The following ENOX1 variants were observed in gnomAD, a reference collection of about 807,000 sequenced individuals.
ENOX1 encodes ecto-NOX disulfide-thiol exchanger 1.
In ENOX1, 42 loss-of-function variants were observed where a neutral mutation model predicts 82.5. The ratio of observed to expected loss-of-function variants is 0.51; its 90% CI spans 0.40 to 0.66. ENOX1 has a LOEUF of 0.66. ENOX1 is among the 30% of genes least tolerant of loss of function. The probability of loss-of-function intolerance (pLI) is 0.00; values close to 1 mark genes in which losing one functional copy is unlikely to be tolerated. For missense variants in ENOX1, 608 were observed against 811.6 expected (o/e 0.75, Z 3.05); for synonymous variants, 271 against 282.2 (o/e 0.96, Z 0.40).
chr13:43,477,673 T>C (rs909985487), intron 3 of ENOX1, among the ~76,000 whole-genome samples: 1 of 152,174 alleles, frequency 6.6e-6, no homozygotes, highest in Non-Finnish European at 1.5e-5. Flanking sequence ...TTTAAAAGAA[T>C]GTTTCAACTC....
At chr13:43,220,027 C>T (rs1356788891) in intron 16 of ENOX1, among the ~76,000 whole-genome samples, 1 of 151,858 alleles carries the variant, frequency 6.6e-6, no homozygotes, top group Non-Finnish European at 1.5e-5. Context: ...AGACACCTCA[C>T]AACAAATGTT....
intron 2 of ENOX1, among the ~76,000 whole-genome samples, chr13:43,555,312 G>A (rs1360294547): frequency 6.6e-6 from 1 of 152,168 alleles, no homozygotes; most frequent in Non-Finnish European, 1.5e-5. Flanking sequence ...CTCAACCCTT[G>A]CTTTTTTGCC....
intron 9 of ENOX1, among the ~76,000 whole-genome samples, chr13:43,338,843 C>T (rs1247258467): frequency 6.6e-6 from 1 of 151,802 alleles, no homozygotes; most frequent in Non-Finnish European, 1.5e-5. Context: ...CCGCCACTGC[C>T]CCCGGCTAAT....
chr13:43,712,226 A>G (rs2087772248), intron 1 of ENOX1, among the ~76,000 whole-genome samples: 1 of 146,118 alleles, frequency 6.8e-6, no homozygotes, highest in African/African-American at 2.5e-5. Context: ...AAGATCAGAT[A>G]GTTGTAGATA....
intron 3 of ENOX1, among the ~76,000 whole-genome samples, chr13:43,421,919 G>A (rs972969424): frequency 5.3e-5 from 8 of 149,862 alleles, no homozygotes; most frequent in Non-Finnish European, 7.4e-5. Context: ...ATGAATTCAT[G>A]CAAGGAGGAA....
chr13:43,321,682 T>C (rs1313579763), intron 11 of ENOX1, among the ~76,000 whole-genome samples: 1 of 152,272 alleles, frequency 6.6e-6, no homozygotes, highest in Non-Finnish European at 1.5e-5. Flanking sequence ...ATGGCAATTA[T>C]GGTTCTTCCT....
chr13:43,616,943 T>C (rs374864456), intron 2 of ENOX1, among the ~76,000 whole-genome samples: 7 of 146,698 alleles, frequency 4.8e-5, no homozygotes, highest in Middle Eastern at 3.5e-3. Flanking sequence ...CACACACATA[T>C]ACATACATAC....
chr13:43,246,164 GCT>G (rs1393392183), intron 14 of ENOX1, among the ~76,000 whole-genome samples: 5 of 152,216 alleles, frequency 3.3e-5, no homozygotes, highest in African/African-American at 1.2e-4. Context: ...TGTCATAAGT[GCT>G]CTTCGAAGTC....
chr13:43,655,520 C>T (rs2084388976), intron 2 of ENOX1, among the ~76,000 whole-genome samples: 1 of 152,202 alleles, frequency 6.6e-6, no homozygotes, highest in Admixed American at 6.5e-5. Context: ...TCTTAGCATG[C>T]ACCAACTGTC....
chr13:43,218,100 G>A (rs145366730), intron 16 of ENOX1, among the ~76,000 whole-genome samples: 4 of 152,314 alleles, frequency 2.6e-5, no homozygotes, highest in African/African-American at 9.6e-5. Flanking sequence ...GCTAAGAAGT[G>A]ATGAAACTGG....
At chr13:43,739,440 T>C (rs2089792038) in intron 1 of ENOX1, among the ~76,000 whole-genome samples, 1 of 151,858 alleles carries the variant, frequency 6.6e-6, no homozygotes, top group African/African-American at 2.4e-5. Context: ...TCCCAGCTAC[T>C]TGGGAGGCTG....
intron 1 of ENOX1, among the ~76,000 whole-genome samples, chr13:43,700,013 C>T (rs775531974): frequency 3.3e-5 from 5 of 152,200 alleles, no homozygotes; most frequent in African/African-American, 4.8e-5. Flanking sequence ...AGTCACCCTA[C>T]TGTACTACAA....
chr13:43,664,466 A>C (rs562390847), intron 2 of ENOX1, among the ~76,000 whole-genome samples: 1 of 152,230 alleles, frequency 6.6e-6, no homozygotes, highest in Non-Finnish European at 1.5e-5. Flanking sequence ...TGTAGCACAC[A>C]CTGTAGAGTA....
intron 5 of ENOX1, among the ~76,000 whole-genome samples, chr13:43,397,965 A>C (rs1415845525): frequency 3.3e-5 from 5 of 152,202 alleles, no homozygotes; most frequent in Non-Finnish European, 2.9e-5. Flanking sequence ...TCTGGTTCAA[A>C]GACAGCCTCT....
At chr13:43,556,926 G>A (rs757164425) in intron 2 of ENOX1, among the ~76,000 whole-genome samples, 4 of 152,224 alleles carry the variant, frequency 2.6e-5, no homozygotes, top group African/African-American at 4.8e-5. Context: ...GGGACTAGGG[G>A]AGAGGGTAAA....
intron 2 of ENOX1, among the ~76,000 whole-genome samples, chr13:43,631,343 G>C (rs538838383): frequency 6.6e-6 from 1 of 152,302 alleles, no homozygotes; most frequent in South Asian, 2.1e-4. Context: ...GCACTGAAAA[G>C]AGATTGCAGA....
intron 2 of ENOX1, among the ~76,000 whole-genome samples, chr13:43,557,292 T>C (rs1271902617): frequency 6.6e-6 from 1 of 151,874 alleles, no homozygotes; most frequent in Admixed American, 6.6e-5. Flanking sequence ...GGCCAGAAGG[T>C]GGTAGGGGTT....
chr13:43,379,998 T>A (rs1044039482), intron 5 of ENOX1, among the ~76,000 whole-genome samples: 1 of 151,826 alleles, frequency 6.6e-6, no homozygotes, highest in Non-Finnish European at 1.5e-5. Context: ...CAGAAGACAC[T>A]AGAATAGCAC....
At position 43,459,980 on chromosome 13, in the gene ENOX1, C is replaced by T. The variant is rs557895516; in HGVS notation, c.-75+24029G>A. 5.9e-5 allele frequency among the ~76,000 whole-genome samples: 9 copies of T among 152,058 alleles called. No individual in the cohort carries two copies. In the South Asian group the frequency reaches 1.2e-3, roughly 21 times the overall value. On this transcript the variant is annotated intron_variant, in intron 3 of 16. Transcript: ENST00000690772. ...TCGCACTCCAGCCTGGGTGACAAAG[C>T]GAGACTCTGTCTCAAAAAACAAACA...
Sources: gnomAD v4.1 joint callset for allele counts (sites outside exome capture counted in the v4.1 genomes callset) on GRCh38, gnomAD v4.1.1 for gene constraint, MANE v1.5 for transcripts, NCBI Gene and HGNC (gene_info 2026-07-23, HGNC 2026-07-21) for gene names.